The following ALCAM variants were observed in gnomAD, a reference collection of about 807,000 sequenced individuals.
ALCAM encodes the protein activated leukocyte cell adhesion molecule.
ALCAM carries 30 observed loss-of-function variants against 70.9 expected under a neutral mutation model. The ratio of observed to expected loss-of-function variants is 0.42; its 90% CI spans 0.32 to 0.57. The LOEUF (loss-of-function observed/expected upper bound fraction) is 0.57, where lower values mean the gene tolerates loss of function less well. ALCAM is among the 20% of genes least tolerant of loss of function. ALCAM has a pLI of 0.11. For missense variants in ALCAM, 591 were observed against 695.1 expected, an observed-to-expected ratio of 0.85 and a Z score of 1.68; for synonymous variants, 249 against 242.5, an observed-to-expected ratio of 1.03 and a Z score of -0.25.
At chr3:105,456,800 G>A (rs1221323293) in intron 1 of ALCAM, among the ~76,000 whole-genome samples, 6 of 151,780 alleles carry the variant, frequency 4.0e-5, no homozygotes, top group African/African-American at 1.5e-4. Context: ...GAGCTTCTGC[G>A]TATAATGAAG....
intron 1 of ALCAM, among the ~76,000 whole-genome samples, chr3:105,482,850 A>G (rs1938311194): frequency 6.6e-6 from 1 of 152,134 alleles, no homozygotes; most frequent in African/African-American, 2.4e-5. Context: ...GTGAGTCACT[A>G]ATTTTACAAG....
chr3:105,403,092 G>A (rs1214393843), intron 1 of ALCAM, among the ~76,000 whole-genome samples: 1 of 151,902 alleles, frequency 6.6e-6, no homozygotes, highest in Non-Finnish European at 1.5e-5. Context: ...GATTGCAGAT[G>A]CCCGCCACCA....
intron 1 of ALCAM, among the ~76,000 whole-genome samples, chr3:105,466,563 T>A (rs773905126): frequency 6.6e-6 from 1 of 151,446 alleles, no homozygotes; most frequent in Non-Finnish European, 1.5e-5. Flanking sequence ...AAAATCATTC[T>A]TTTTCATGTG....
At position 105,571,944 on chromosome 3, in the gene ALCAM, G is replaced by C. The variant is rs376997833; in HGVS notation, c.*5G>C. Reference sequence around the variant, plus strand: ...AATCACAAAACTGAAGCCTAAGAGAGAAACTGTCCTAGTTGTCCAGGTGAG... The same window carrying C: ...AATCACAAAACTGAAGCCTAAGAGACAAACTGTCCTAGTTGTCCAGGTGAG... On this transcript the variant is annotated 3_prime_UTR_variant, in exon 15 of 16. Coordinates refer to ENST00000306107, the MANE Select transcript of ALCAM (RefSeq NM_001627.4). 1.9e-6 allele frequency: 3 copies of C among 1,605,898 alleles called. No individual in the cohort carries two copies. Among genetic ancestry groups the C allele is most frequent in the Non-Finnish European group, 2.6e-6 (3 of 1,173,306 alleles).
intron 1 of ALCAM, among the ~76,000 whole-genome samples, chr3:105,444,816 C>A (rs1937258097): frequency 6.6e-6 from 1 of 152,094 alleles, no homozygotes; most frequent in South Asian, 2.1e-4. Flanking sequence ...ATCACTAATG[C>A]AGTTTTATAT....
intron 14 of ALCAM, among the ~76,000 whole-genome samples, chr3:105,563,494 T>TA (rs990896501): frequency 6.6e-6 from 1 of 151,676 alleles, no homozygotes; most frequent in African/African-American, 2.4e-5. Context: ...TTCTTAGTAT[T>TA]AGACTTTCTT....
intron 1 of ALCAM, among the ~76,000 whole-genome samples, chr3:105,481,842 T>C (rs1439508719): frequency 6.6e-6 from 1 of 152,154 alleles, no homozygotes; most frequent in Non-Finnish European, 1.5e-5. Flanking sequence ...TATAAAATCA[T>C]AAAGGTGTTA....
intron 1 of ALCAM, among the ~76,000 whole-genome samples, chr3:105,506,308 T>G (rs977085220): frequency 2.6e-5 from 4 of 152,174 alleles, no homozygotes; most frequent in Non-Finnish European, 5.9e-5. Flanking sequence ...GAATTGTAGC[T>G]GAAGAACACA....
At chr3:105,531,470 T>G (rs945656077) in intron 3 of ALCAM, 5 of 152,670 alleles carry the variant, frequency 3.3e-5, no homozygotes, top group Non-Finnish European at 7.3e-5. Context: ...TTTCTCAAAC[T>G]TTATGGTGAC....
At chr3:105,462,635 T>A (rs1937620137) in intron 1 of ALCAM, among the ~76,000 whole-genome samples, 1 of 151,420 alleles carries the variant, frequency 6.6e-6, no homozygotes, top group Admixed American at 6.6e-5. Flanking sequence ...AAGAAAAACT[T>A]TATTCAAGTG....
At chr3:105,401,594 T>C (rs1265718392) in intron 1 of ALCAM, among the ~76,000 whole-genome samples, 3 of 152,194 alleles carry the variant, frequency 2.0e-5, no homozygotes, top group Admixed American at 2.0e-4. Context: ...CTAAGATAGA[T>C]AGAGTCCTTG....
chr3:105,480,159 G>A (rs1268592846), intron 1 of ALCAM, among the ~76,000 whole-genome samples: 1 of 152,016 alleles, frequency 6.6e-6, no homozygotes, highest in Non-Finnish European at 1.5e-5. Context: ...AGACCAACCT[G>A]GCCAACATGG....
At chr3:105,375,064 C>G (rs1216964523) in intron 1 of ALCAM, among the ~76,000 whole-genome samples, 1 of 152,202 alleles carries the variant, frequency 6.6e-6, no homozygotes, top group Non-Finnish European at 1.5e-5. Flanking sequence ...GTGGTACAAT[C>G]AGCTAACCAT....
At chr3:105,489,549 T>C (rs546707895) in intron 1 of ALCAM, among the ~76,000 whole-genome samples, 94 of 152,366 alleles carry the variant, frequency 6.2e-4, no homozygotes, top group African/African-American at 2.2e-3. Context: ...TTCAACATAT[T>C]ATCAAGTTTG....
chr3:105,470,631 G>A lies in ALCAM; in HGVS notation c.74-49436G>A, dbSNP rs147230937. On this transcript the variant is annotated intron_variant, in intron 1 of 15. Coordinates refer to ENST00000306107, the MANE Select transcript of ALCAM (RefSeq NM_001627.4). ...TTTGAAAGAAAGAGAAAAAGAGAGC[G>A]ATAAACAGGATTTATTCACAAGAGA... 6.4e-3 allele frequency among the ~76,000 whole-genome samples: 964 copies of A among 151,264 alleles called. 8 individuals carry two copies. Among genetic ancestry groups the A allele is most frequent in the Non-Finnish European group, 0.011 (709 of 67,392 alleles).
intron 1 of ALCAM, among the ~76,000 whole-genome samples, chr3:105,429,848 AT>A (rs1288771697): frequency 6.6e-6 from 1 of 152,016 alleles, no homozygotes; most frequent in Non-Finnish European, 1.5e-5. Context: ...TAAATTAGCA[AT>A]ATGTTAAAAT....
chr3:105,492,944 T>C (rs73854310), intron 1 of ALCAM, among the ~76,000 whole-genome samples: 1,908 of 152,366 alleles, frequency 0.013, 31 homozygotes, highest in African/African-American at 0.042. Flanking sequence ...AGCATTTATA[T>C]GTAAAGTAGA....
intron 1 of ALCAM, among the ~76,000 whole-genome samples, chr3:105,443,258 C>T (rs1356925612): frequency 2.0e-5 from 3 of 152,098 alleles, no homozygotes; most frequent in African/African-American, 7.2e-5. Context: ...GAAGACATGC[C>T]TATATTCCCA....
At chr3:105,373,204 A>ATTAG (rs1230239131) in intron 1 of ALCAM, among the ~76,000 whole-genome samples, 1 of 152,170 alleles carries the variant, frequency 6.6e-6, no homozygotes, top group Non-Finnish European at 1.5e-5. Flanking sequence ...AGAAAAAAAA[A>ATTAG]TTACTACTTA....
Sources: allele counts gnomAD v4.1 joint callset (sites outside exome capture counted in the v4.1 genomes callset), GRCh38; gene constraint gnomAD v4.1.1; transcripts MANE v1.5; gene names NCBI Gene and HGNC (gene_info 2026-07-23, HGNC 2026-07-21).